Variants in LRBA observed in about 807,000 individuals in gnomAD.
LRBA encodes lipopolysaccharide-responsive and beige-like anchor protein.
A neutral mutation model predicts 330.0 loss-of-function variants in LRBA; 176 were observed. The ratio of observed to expected loss-of-function variants is 0.53; its 90% CI spans 0.47 to 0.60. LRBA has a LOEUF of 0.60. LRBA is among the 20% of genes least tolerant of loss of function. The pLI is 0.00. For synonymous variants in LRBA, 1,230 were observed against 1,193.0 expected (o/e 1.03, Z -0.64); for missense variants, 3,259 against 3,444.8 (o/e 0.95, Z 1.35).
intron 28 of LRBA, among the ~76,000 whole-genome samples, chr4:150,834,064 G>A (rs183828155): frequency 9.2e-5 from 14 of 152,200 alleles, no homozygotes; most frequent in Admixed American, 4.6e-4. Context: ...ACATGTTTAG[G>A]CTCTGCTTCT....
chr4:150,395,600 C>CT (rs1344751855), intron 47 of LRBA, among the ~76,000 whole-genome samples: 3 of 152,084 alleles, frequency 2.0e-5, no homozygotes, highest in African/African-American at 7.2e-5. Context: ...ATTCCCATGT[C>CT]TTTTTAGCAG....
intron 46 of LRBA, among the ~76,000 whole-genome samples, chr4:150,429,384 A>G (rs1245651205): frequency 6.6e-6 from 1 of 152,058 alleles, no homozygotes; most frequent in Admixed American, 6.6e-5. Flanking sequence ...AACAGAGTGA[A>G]CGGGGTGGCA....
chr4:150,315,212 A>G (rs1731557808), intron 51 of LRBA: 3 of 328,828 alleles, frequency 9.1e-6, no homozygotes, highest in South Asian at 7.1e-5. Context: ...CGGTGCACCA[A>G]TTCATCATAA....
chr4:150,787,077 A>G (rs959346365), intron 34 of LRBA, among the ~76,000 whole-genome samples: 2 of 152,130 alleles, frequency 1.3e-5, no homozygotes, highest in African/African-American at 2.4e-5. Context: ...ACAAAAATAA[A>G]AAAAAGTCGC....
chr4:150,676,851 C>T (rs1782604842), intron 37 of LRBA, among the ~76,000 whole-genome samples: 1 of 152,148 alleles, frequency 6.6e-6, no homozygotes, highest in South Asian at 2.1e-4. Context: ...ATTTTCTCAT[C>T]TACTCAGAAC....
chr4:150,321,234 A>C lies in LRBA; in HGVS notation c.7587T>G (p.Thr2529=). The C allele has an allele frequency of 6.2e-7, 1 of 1,611,108 alleles. No homozygotes were observed. Among genetic ancestry groups the C allele is most frequent in the Non-Finnish European group, 8.5e-7 (1 of 1,179,086 alleles). ...TGTTCACCGCAAATAACCTGTTAGC[A>C]GTGACTGTGATCACAGCGGGAGTTG... ...GLATPAVITV[T]ANRLFAVNKW... Residue 2529 remains threonine, a synonymous_variant, in exon 50 of 57, where the codon ACT becomes ACG. Coordinates refer to ENST00000651943, the MANE Select transcript of LRBA (RefSeq NM_001364905.1). This position sits in a 1 kb window ranked among gnomAD's most constrained non-coding sequence, Gnocchi z 4.5.
At chr4:150,600,597 T>C (rs1279872059) in intron 37 of LRBA, among the ~76,000 whole-genome samples, 1 of 152,064 alleles carries the variant, frequency 6.6e-6, no homozygotes, top group Non-Finnish European at 1.5e-5. Context: ...GAGAAGGAGA[T>C]ATAATGTAAT....
chr4:150,394,586 A>G (rs1050143326), intron 47 of LRBA, among the ~76,000 whole-genome samples: 6 of 152,160 alleles, frequency 3.9e-5, no homozygotes, highest in Non-Finnish European at 7.4e-5. Context: ...TACAACTGTG[A>G]TGTCATAGAA....
At chr4:150,779,675 A>T (rs1003465417) in intron 34 of LRBA, among the ~76,000 whole-genome samples, 4 of 152,198 alleles carry the variant, frequency 2.6e-5, no homozygotes, top group African/African-American at 7.2e-5. Context: ...CAATCCTACT[A>T]CTGAATATTT....
At chr4:150,555,438 G>T (rs966022267) in intron 40 of LRBA, among the ~76,000 whole-genome samples, 11 of 152,086 alleles carry the variant, frequency 7.2e-5, no homozygotes, top group African/African-American at 2.7e-4. Flanking sequence ...CAAGTATAAA[G>T]AATTAAAAAC....
chr4:150,888,607 T>A (rs2127079407), intron 17 of LRBA, among the ~76,000 whole-genome samples: 1 of 152,152 alleles, frequency 6.6e-6, no homozygotes, highest in African/African-American at 2.4e-5. Context: ...TACACTGGCA[T>A]CTCTAGAGCA....
chr4:150,415,617 T>C (rs764843770), intron 46 of LRBA, 27 bp from the exon 47 acceptor site: 4 of 1,346,198 alleles, frequency 3.0e-6, no homozygotes, highest in East Asian at 2.3e-5. Flanking sequence ...GACAATGTGA[T>C]ATTATAAACT....
intron 40 of LRBA, among the ~76,000 whole-genome samples, chr4:150,584,884 A>C (rs1383967143): frequency 6.6e-6 from 1 of 152,234 alleles, no homozygotes; most frequent in Non-Finnish European, 1.5e-5. Context: ...AATAGAAAAC[A>C]CTAATTTTAC....
intron 40 of LRBA, among the ~76,000 whole-genome samples, chr4:150,499,680 C>T (rs1322771236): frequency 6.6e-6 from 1 of 151,094 alleles, no homozygotes; most frequent in Non-Finnish European, 1.5e-5. Flanking sequence ...TATTGATTCT[C>T]TATAGTCATA....
intron 15 of LRBA, among the ~76,000 whole-genome samples, chr4:150,897,261 C>A (rs1730189825): frequency 6.6e-6 from 1 of 151,632 alleles, no homozygotes; most frequent in African/African-American, 2.4e-5. Flanking sequence ...CTTATAAAAC[C>A]AAAATGCCTT....
intron 40 of LRBA, among the ~76,000 whole-genome samples, chr4:150,564,644 A>T (rs1017448513): frequency 1.3e-5 from 2 of 152,188 alleles, no homozygotes; most frequent in Non-Finnish European, 2.9e-5. Flanking sequence ...CCATCTAACA[A>T]AGGGCTAATA....
At chr4:150,449,986 A>G (rs892995501) in intron 44 of LRBA, among the ~76,000 whole-genome samples, 2 of 152,174 alleles carry the variant, frequency 1.3e-5, no homozygotes, top group African/African-American at 2.4e-5. Flanking sequence ...CACCCCAATT[A>G]AAATGCACAG....
intron 37 of LRBA, among the ~76,000 whole-genome samples, chr4:150,648,560 C>T (rs1251206559): frequency 6.6e-6 from 1 of 151,804 alleles, no homozygotes; most frequent in African/African-American, 2.4e-5. Context: ...TGCCCCCCCA[C>T]CCCACATTTC....
At chr4:150,400,278 T>C (rs1745291068) in intron 47 of LRBA, among the ~76,000 whole-genome samples, 1 of 152,136 alleles carries the variant, frequency 6.6e-6, no homozygotes, top group Admixed American at 6.5e-5. Context: ...ATAAATATCT[T>C]CATATAGTTT....
Sources: gnomAD v4.1 joint callset for allele counts (sites outside exome capture counted in the v4.1 genomes callset) on GRCh38, gnomAD v4.1.1 for gene constraint, Gnocchi (gnomAD v3.1) non-coding constraint, MANE v1.5 for transcripts, NCBI Gene and HGNC (gene_info 2026-07-23, HGNC 2026-07-21) for gene names.